Variants in APBA2 observed in about 807,000 individuals in gnomAD.
APBA2 encodes amyloid-beta A4 precursor protein-binding family A member 2.
A neutral mutation model predicts 75.0 loss-of-function variants in APBA2; 30 were observed. The ratio of observed to expected loss-of-function variants is 0.40; its 90% CI spans 0.30 to 0.54. The LOEUF (loss-of-function observed/expected upper bound fraction) is 0.54. APBA2 is among the 20% of genes least tolerant of loss of function. The pLI is 0.49. For synonymous variants in APBA2, 444 were observed against 409.6 expected (o/e 1.08, Z -1.01); for missense variants, 801 against 1,016.1 (o/e 0.79, Z 2.88).
At chr15:29,026,377 G>C (rs1224994017) in intron 3 of APBA2, among the ~76,000 whole-genome samples, 1 of 152,170 alleles carries the variant, frequency 6.6e-6, no homozygotes, top group Non-Finnish European at 1.5e-5. Flanking sequence ...CTTTTATAAA[G>C]TTTCTTATGC....
At chr15:29,016,769 A>G (rs1293742573) in intron 3 of APBA2, among the ~76,000 whole-genome samples, 1 of 151,858 alleles carries the variant, frequency 6.6e-6, no homozygotes, top group Non-Finnish European at 1.5e-5. Flanking sequence ...GTCTCCTCTG[A>G]TGGTGTCTGG....
At chr15:28,935,730 G>A (rs1285917595) in intron 2 of APBA2, among the ~76,000 whole-genome samples, 1 of 152,228 alleles carries the variant, frequency 6.6e-6, no homozygotes, top group African/African-American at 2.4e-5. Flanking sequence ...TCTCGGCTGA[G>A]GTTACAGGAA....
chr15:29,030,423 C>G (rs56340590), intron 3 of APBA2, among the ~76,000 whole-genome samples: 1 of 151,840 alleles, frequency 6.6e-6, no homozygotes, highest in African/African-American at 2.4e-5. Context: ...GATGGCCCCA[C>G]TGCACTCTAG....
intron 1 of APBA2, among the ~76,000 whole-genome samples, chr15:28,903,991 A>G (rs941610499): frequency 1.3e-5 from 2 of 152,148 alleles, no homozygotes; most frequent in Admixed American, 1.3e-4. Flanking sequence ...TGAAACTGTT[A>G]TTTCTGTATG....
At chr15:28,995,972 C>T (rs958080604) in intron 3 of APBA2, among the ~76,000 whole-genome samples, 166 bp downstream of exon 3, 4 of 152,078 alleles carry the variant, frequency 2.6e-5, no homozygotes, top group African/African-American at 9.7e-5. Flanking sequence ...GAGTTTGAAG[C>T]TGGGGTTTGA....
Position 29,054,631 on chromosome 15 carries a change from C to T in APBA2, c.747C>T (p.Ser249=), listed in dbSNP as rs779480980. The change falls in exon 4 of 15, where the codon AGC becomes AGT. Residue 249 remains serine (S), a synonymous_variant. Coordinates refer to ENST00000683413, the MANE Select transcript of APBA2 (RefSeq NM_001353788.2). This position sits in a 1 kb window ranked among gnomAD's most constrained non-coding sequence, Gnocchi z 6.1. Reference sequence around the variant, plus strand: ...GCATCACCAGCGCCAGTGAGGCCAGCCCCGAGCATGGGCCTGAGCCAGGGC... The same window carrying T: ...GCATCACCAGCGCCAGTGAGGCCAGTCCCGAGCATGGGCCTGAGCCAGGGC... ...MTSITSASEA[S]PEHGPEPGPE... is the part of the protein sequence containing the mutation. 6.2e-7 allele frequency: 1 copy of T among 1,614,166 alleles called. No homozygotes were observed. The highest frequency in any genetic ancestry group is 8.5e-7 in the Non-Finnish European group (1 of 1,180,030).
intron 3 of APBA2, among the ~76,000 whole-genome samples, chr15:29,036,084 AG>A (rs906239843): frequency 3.3e-5 from 5 of 152,128 alleles, no homozygotes; most frequent in Admixed American, 6.5e-5. Context: ...GAGAGGTGCC[AG>A]GGTTCATTGC....
intron 3 of APBA2, among the ~76,000 whole-genome samples, chr15:29,042,600 G>A (rs1400038116): frequency 1.3e-5 from 2 of 152,110 alleles, no homozygotes; most frequent in Non-Finnish European, 2.9e-5. Flanking sequence ...TGAGGTACAG[G>A]GGATGAGAAC....
chr15:29,008,933 T>C (rs576426022), intron 3 of APBA2, among the ~76,000 whole-genome samples: 1 of 152,300 alleles, frequency 6.6e-6, no homozygotes, highest in East Asian at 1.9e-4. Flanking sequence ...GAAGCTGTTC[T>C]CTAGTGTGAG....
At chr15:28,917,250 T>C (rs2033727637) in intron 1 of APBA2, among the ~76,000 whole-genome samples, 2 of 152,088 alleles carry the variant, frequency 1.3e-5, no homozygotes, top group African/African-American at 2.4e-5. Flanking sequence ...AGAATTCTCA[T>C]GAACACTCCT....
At chr15:29,032,778 C>G (rs2040550970) in intron 3 of APBA2, among the ~76,000 whole-genome samples, 1 of 152,042 alleles carries the variant, frequency 6.6e-6, no homozygotes, top group Non-Finnish European at 1.5e-5. Context: ...GCACTCAGTA[C>G]TTTTCATCTC....
At chr15:29,105,689 A>C in intron 11 of APBA2, 131 bp downstream of exon 11, 3 of 933,520 alleles carry the variant, frequency 3.2e-6, no homozygotes, top group Non-Finnish European at 5.0e-6. Context: ...TGGGGCCCGG[A>C]ATGTGCACCT....
chr15:28,928,165 A>G (rs567058229), intron 2 of APBA2, among the ~76,000 whole-genome samples: 1 of 148,970 alleles, frequency 6.7e-6, no homozygotes, highest in Non-Finnish European at 1.5e-5. Flanking sequence ...AAAAAGAAAC[A>G]TGTTGTCCTT....
At chr15:29,015,980 C>T (rs905304056) in intron 3 of APBA2, among the ~76,000 whole-genome samples, 3 of 152,182 alleles carry the variant, frequency 2.0e-5, no homozygotes, top group South Asian at 2.1e-4. Flanking sequence ...TATGGTTGGC[C>T]GGGCGCGGTG....
Position 29,030,318 on chromosome 15 carries a change from C to T in APBA2, c.-40-23527C>T, listed in dbSNP as rs550240423. On this transcript the variant is annotated intron_variant, in intron 3 of 14. Transcript: ENST00000683413. ...ACTAAAAATACTTAAAAAAATTAGC[C>T]GGGCGTGATGGCGGGTGCCTATAGT... 1.8e-3 allele frequency among the ~76,000 whole-genome samples: 266 copies of T among 151,958 alleles called. 2 individuals are homozygous for T. Among genetic ancestry groups the T allele is most frequent in the Non-Finnish European group, 3.4e-3 (229 of 67,938 alleles).
chr15:29,021,507 T>C (rs549552650), intron 3 of APBA2, among the ~76,000 whole-genome samples: 1 of 152,230 alleles, frequency 6.6e-6, no homozygotes, highest in South Asian at 2.1e-4. Flanking sequence ...CAAAAAGCTG[T>C]ACATATTTAA....
intron 3 of APBA2, among the ~76,000 whole-genome samples, chr15:29,040,519 GC>G (rs2040980970): frequency 1.3e-5 from 2 of 152,194 alleles, no homozygotes. Context: ...AGAAACCGTG[GC>G]CCGGGTCCCA....
intron 7 of APBA2, among the ~76,000 whole-genome samples, chr15:29,093,812 C>T (rs774929654): frequency 1.3e-5 from 2 of 152,142 alleles, no homozygotes; most frequent in Non-Finnish European, 2.9e-5. Context: ...TGAGAAATGG[C>T]AGCAACCTCC....
intron 13 of APBA2, among the ~76,000 whole-genome samples, chr15:29,109,780 A>C (rs1285340227): frequency 6.6e-6 from 1 of 152,234 alleles, no homozygotes; most frequent in African/African-American, 2.4e-5. Context: ...CGCTCACTGG[A>C]TTCCCCTCAA....
Sources: gnomAD v4.1 joint callset for allele counts (sites outside exome capture counted in the v4.1 genomes callset) on GRCh38, gnomAD v4.1.1 for gene constraint, Gnocchi (gnomAD v3.1) non-coding constraint, MANE v1.5 for transcripts, NCBI Gene and HGNC (gene_info 2026-07-23, HGNC 2026-07-21) for gene names.